MID1: variants seen among roughly 807,000 people sequenced by gnomAD.
MID1 encodes E3 ubiquitin-protein ligase Midline-1.
Under a neutral mutation model 40.4 loss-of-function variants are expected in MID1, and 7 were observed. The observed-to-expected ratio is 0.17, with a 90% CI of 0.10 to 0.33. MID1 has a LOEUF of 0.33. Among genes scored for constraint, MID1 ranks in the 10% least tolerant of loss-of-function variants. The pLI, the probability that MID1 is intolerant of heterozygous loss-of-function variation, is 1.00. For missense variants in MID1, 367 were observed against 558.5 expected (o/e 0.66, Z 3.46); for synonymous variants, 229 against 221.2 (o/e 1.04, Z -0.31).
chrX:10,503,934 A>G (rs7886247), intron 3 of MID1, among the ~76,000 whole-genome samples: 7,815 of 112,281 alleles, frequency 0.07, 561 homozygotes, highest in African/African-American at 0.21. Flanking sequence ...AAAAAATGCC[A>G]TTGCTAATGC....
chrX:10,665,526 C>T (rs888909844), intron 1 of MID1, among the ~76,000 whole-genome samples: 82 of 106,644 alleles, frequency 7.7e-4, no homozygotes, highest in Non-Finnish European at 1.3e-3. Context: ...CTCAAATAGC[C>T]ACTTTTTTTT....
chrX:10,713,608 G>A (rs923532750), intron 1 of MID1, among the ~76,000 whole-genome samples: 24 of 112,684 alleles, frequency 2.1e-4, no homozygotes, highest in Non-Finnish European at 3.2e-4. Context: ...GATTACAGGC[G>A]TGAGCCACTG....
At chrX:10,803,963 T>C (rs1236630379) in intron 1 of MID1, among the ~76,000 whole-genome samples, 1 of 110,540 alleles carries the variant, frequency 9.0e-6, no homozygotes. Flanking sequence ...TTTTTAATTC[T>C]CTTTTTTTGG....
At chrX:10,663,482 T>C (rs1383206874) in intron 1 of MID1, among the ~76,000 whole-genome samples, 3 of 112,258 alleles carry the variant, frequency 2.7e-5, no homozygotes, top group Non-Finnish European at 5.6e-5. Context: ...TACTATCCGG[T>C]TGTACGGAAA....
rs1164012491 is a variant in MID1 at position 10,708,682 on chromosome X, G to T, written c.-186-88263C>A. 6.3e-5 allele frequency among the ~76,000 whole-genome samples: 7 copies of T among 111,630 alleles called. No homozygotes were observed. In the South Asian group the frequency reaches 1.5e-3, roughly 24 times the overall value. On this transcript the variant is annotated intron_variant, in intron 1 of 10. Transcript: ENST00000380785. ...GGACTCTTCCAAAGCAACCTCGAGGGTGTATGCGGAGTGAGAGCCTGCAAG... is the reference window on the plus strand; with the variant it reads ...GGACTCTTCCAAAGCAACCTCGAGGTTGTATGCGGAGTGAGAGCCTGCAAG...
At chrX:10,787,239 G>A (rs2043892265) in intron 1 of MID1, among the ~76,000 whole-genome samples, 1 of 110,643 alleles carries the variant, frequency 9.0e-6, no homozygotes, top group Non-Finnish European at 1.9e-5. Flanking sequence ...TCCTAGCTAT[G>A]TTAAAAACAA....
intron 1 of MID1, among the ~76,000 whole-genome samples, chrX:10,760,069 A>T (rs2043665970): frequency 9.0e-6 from 1 of 111,500 alleles, no homozygotes; most frequent in East Asian, 2.8e-4. Flanking sequence ...CATTTTTTCC[A>T]ACCAATCTGA....
At chrX:10,641,528 G>A (rs765225458) in intron 1 of MID1, among the ~76,000 whole-genome samples, 105 of 110,671 alleles carry the variant, frequency 9.5e-4, no homozygotes, top group African/African-American at 3.3e-3. Context: ...GCAATAAGTA[G>A]CCTACCAACC....
intron 2 of MID1, among the ~76,000 whole-genome samples, chrX:10,532,437 T>C (rs1457295512): frequency 9.0e-6 from 1 of 111,601 alleles, no homozygotes; most frequent in Non-Finnish European, 1.9e-5. Context: ...CTCAGGAGGC[T>C]GAGGAGGGAG....
intron 1 of MID1, among the ~76,000 whole-genome samples, chrX:10,583,646 A>G (rs1423439091): frequency 8.9e-6 from 1 of 112,601 alleles, no homozygotes; most frequent in Non-Finnish European, 1.9e-5. Flanking sequence ...AAAAGCCACG[A>G]ACACTTAGTG....
rs750414358 is a variant in MID1 at position 10,604,829 on chromosome X, A to T, written c.-57+15461T>A. Among the ~76,000 whole-genome samples the T allele has an allele frequency of 3.5e-5, 4 of 112,761 alleles. No individual in the cohort carries two copies. The East Asian group carries it at 1.1e-3, about 31-fold the overall frequency. On this transcript the variant is annotated intron_variant, in intron 1 of 9. Coordinates refer to ENST00000317552, the MANE Select transcript of MID1 (RefSeq NM_000381.4). ...ATTAATTCAGCAATGCACATATGCA[A>T]CAGATAGGTAAGTTTTGTGCCAGGC...
At chrX:10,529,618 A>G (rs1391784470) in intron 2 of MID1, among the ~76,000 whole-genome samples, 5 of 109,054 alleles carry the variant, frequency 4.6e-5, no homozygotes, top group Non-Finnish European at 9.5e-5. Context: ...TACTTTCCCC[A>G]CTCCTGTGCT....
intron 1 of MID1, among the ~76,000 whole-genome samples, chrX:10,802,623 T>C (rs2044016753): frequency 8.9e-6 from 1 of 111,981 alleles, no homozygotes; most frequent in South Asian, 3.8e-4. Context: ...TTAGAGATTT[T>C]TCAAAGTATT....
intron 1 of MID1, among the ~76,000 whole-genome samples, chrX:10,817,246 T>C (rs757968332): frequency 8.0e-5 from 9 of 112,470 alleles, no homozygotes; most frequent in Non-Finnish European, 1.3e-4. Context: ...ATATCCCATA[T>C]GAAGGATGGG....
chrX:10,555,834 GA>G (rs1466775643), intron 2 of MID1, among the ~76,000 whole-genome samples: 2 of 110,800 alleles, frequency 1.8e-5, no homozygotes, highest in Non-Finnish European at 3.8e-5. Flanking sequence ...GGAGGAGGCA[GA>G]CGATGATACC....
At chrX:10,693,864 T>G (rs2043145385) in intron 1 of MID1, among the ~76,000 whole-genome samples, 1 of 111,965 alleles carries the variant, frequency 8.9e-6, no homozygotes, top group Admixed American at 9.5e-5. Flanking sequence ...ACACTAAACT[T>G]GCGAGGACAG....
intron 1 of MID1, among the ~76,000 whole-genome samples, chrX:10,578,285 T>C (rs1934924166): frequency 8.9e-6 from 1 of 112,763 alleles, no homozygotes; most frequent in Admixed American, 9.3e-5. Context: ...ACATAGATCA[T>C]CAAGTAGAAT....
chrX:10,695,165 C>T (rs1397790973), intron 1 of MID1, among the ~76,000 whole-genome samples: 1 of 111,926 alleles, frequency 8.9e-6, no homozygotes, highest in Non-Finnish European at 1.9e-5. Flanking sequence ...CATTCTCTTG[C>T]CCAGGCGGCA....
intron 1 of MID1, among the ~76,000 whole-genome samples, chrX:10,698,108 G>T (rs1333225585): frequency 8.9e-6 from 1 of 112,184 alleles, no homozygotes; most frequent in Non-Finnish European, 1.9e-5. Context: ...TTTCTAGTAA[G>T]TTGAACAATG....
Sources: gnomAD v4.1 joint callset for allele counts (sites outside exome capture counted in the v4.1 genomes callset) on GRCh38, gnomAD v4.1.1 for gene constraint, MANE v1.5 for transcripts, NCBI Gene and HGNC (gene_info 2026-07-23, HGNC 2026-07-21) for gene names.